CDH11: variants seen among roughly 807,000 people sequenced by gnomAD.
CDH11 encodes the protein cadherin-11.
CDH11 carries 11 observed loss-of-function variants against 67.8 expected under a neutral mutation model. The ratio of observed to expected loss-of-function variants is 0.16; its 90% CI spans 0.10 to 0.27. The LOEUF (loss-of-function observed/expected upper bound fraction) is 0.27, where lower values mean the gene tolerates loss of function less well. CDH11 is among the 10% of genes least tolerant of loss of function. CDH11 has a pLI of 1.00. For synonymous variants in CDH11, 419 were observed against 400.0 expected (o/e 1.05, Z -0.57); for missense variants, 847 against 1,031.2 (o/e 0.82, Z 2.45).
intron 8 of CDH11, chr16:64,981,097 C>CTTTTTTTTTTTTTTTTTTTTT: frequency 8.6e-6 from 1 of 116,444 alleles, no homozygotes; most frequent in Non-Finnish European, 1.7e-5. Flanking sequence ...TTCTTTCTTT[C>CTTTTTTTTTTTTTTTTTTTTT]TTTTTTTTTT....
intron 1 of CDH11, among the ~76,000 whole-genome samples, chr16:65,091,647 G>T (rs1055385818): frequency 1.3e-5 from 2 of 151,504 alleles, no homozygotes; most frequent in African/African-American, 4.9e-5. Context: ...CGCCTCCTGG[G>T]TTCACGCCAT....
chr16:65,056,814 T>C (rs1362364740), intron 1 of CDH11, among the ~76,000 whole-genome samples: 2 of 152,186 alleles, frequency 1.3e-5, no homozygotes, highest in African/African-American at 2.4e-5. Context: ...TTCTCAAATC[T>C]GTAAAAGACC....
At chr16:65,033,736 CTAAAATAAAA>C (rs59225853) in intron 2 of CDH11, among the ~76,000 whole-genome samples, 1 of 141,478 alleles carries the variant, frequency 7.1e-6, no homozygotes, top group African/African-American at 2.6e-5. Context: ...GACTCCATCT[CTAAAATAAAA>C]TAAAATAAAA....
chr16:64,982,132 T>C lies in CDH11; in HGVS notation c.1169A>G (p.His390Arg). 1.2e-6 allele frequency: 2 copies of C among 1,614,088 alleles called. No homozygotes were observed. Among genetic ancestry groups the C allele is most frequent in the Non-Finnish European group, 1.7e-6 (2 of 1,179,970 alleles). The change falls in exon 8 of 13, where the codon CAC becomes CGC. Residue 390 changes from histidine (H) to arginine (R), a missense_variant. Around this residue, in one of 2 missense-constraint regions of CDH11, gnomAD observed 612 missense variants for 678.7 expected, o/e 0.90. Transcript: ENST00000268603. ...AGCAGCTGCATTTTCTTGGACTTCG[T>C]GGATGTAACTTGGGGCCAAGAACAT... is the stretch of plus-strand genomic sequence containing the variant. ...PPMFLAPSYI[H>R]EVQENAAAGT...
At chr16:64,964,752 G>A (rs1597023819) in intron 11 of CDH11, among the ~76,000 whole-genome samples, 1 of 151,970 alleles carries the variant, frequency 6.6e-6, no homozygotes, top group Non-Finnish European at 1.5e-5. Context: ...GTTTCATCAT[G>A]TTAGCCAGGA....
At chr16:64,993,841 T>C (rs1048362993) in intron 4 of CDH11, among the ~76,000 whole-genome samples, 4 of 152,190 alleles carry the variant, frequency 2.6e-5, no homozygotes, top group African/African-American at 9.6e-5. Context: ...AGAAAACCAG[T>C]AATTATCGAA....
intron 2 of CDH11, among the ~76,000 whole-genome samples, chr16:65,023,086 A>G (rs764833910): frequency 2.1e-4 from 32 of 152,148 alleles, no homozygotes; most frequent in Non-Finnish European, 3.8e-4. Flanking sequence ...TAAAGCAAAA[A>G]AGGCCTGAGA....
intron 11 of CDH11, among the ~76,000 whole-genome samples, chr16:64,965,863 C>T (rs1023211780): frequency 6.7e-5 from 10 of 149,904 alleles, no homozygotes; most frequent in Middle Eastern, 3.5e-3. Flanking sequence ...ATATAAGGAA[C>T]AAGAGGGAGA....
chr16:65,024,460 C>T (rs1473814676), intron 2 of CDH11, among the ~76,000 whole-genome samples: 1 of 152,150 alleles, frequency 6.6e-6, no homozygotes, highest in African/African-American at 2.4e-5. Context: ...TTCCATTGTA[C>T]ATCCAAAGTA....
chr16:65,120,446 C>A (rs1335674520), intron 1 of CDH11, among the ~76,000 whole-genome samples: 2 of 152,040 alleles, frequency 1.3e-5, no homozygotes, highest in African/African-American at 4.8e-5. Context: ...AACTTACTGC[C>A]TCATATTAAA....
At chr16:65,081,704 TTTTTG>T (rs762602768) in intron 1 of CDH11, among the ~76,000 whole-genome samples, 1 of 152,170 alleles carries the variant, frequency 6.6e-6, no homozygotes, top group African/African-American at 2.4e-5. Flanking sequence ...CTGAGTTTTG[TTTTTG>T]TTTTGTTTTA....
intron 2 of CDH11, among the ~76,000 whole-genome samples, chr16:65,015,355 T>C (rs2073280305): frequency 1.3e-5 from 2 of 151,980 alleles, no homozygotes; most frequent in Non-Finnish European, 2.9e-5. Flanking sequence ...TCTAGAGACA[T>C]TGAGCTATTA....
chr16:64,946,399 A>G lies in CDH11; in HGVS notation c.*1204T>C, dbSNP rs959877107. On this transcript the variant is annotated 3_prime_UTR_variant, in exon 13 of 13. Transcript: ENST00000268603. ...GTATACCTGGAACATTAGAGTTCTGATAGCTCCATTCCCTCATGGATTCAT... is the reference window on the plus strand; with the variant it reads ...GTATACCTGGAACATTAGAGTTCTGGTAGCTCCATTCCCTCATGGATTCAT... The G allele has an allele frequency of 9.6e-7, 1 of 1,036,766 alleles. No homozygotes were observed. Among genetic ancestry groups the G allele is most frequent in the Non-Finnish European group, 1.2e-6 (1 of 860,934 alleles). 64.2% of individuals were successfully genotyped at this position (1,036,766 alleles called of 1,614,324 possible).
At chr16:65,033,570 C>T (rs988945502) in intron 2 of CDH11, among the ~76,000 whole-genome samples, 4 of 151,904 alleles carry the variant, frequency 2.6e-5, no homozygotes, top group African/African-American at 9.7e-5. Flanking sequence ...AACCCCATCT[C>T]TACTAAAAAT....
intron 8 of CDH11, among the ~76,000 whole-genome samples, chr16:64,975,136 G>C (rs565522914): frequency 6.6e-6 from 1 of 152,126 alleles, no homozygotes; most frequent in Non-Finnish European, 1.5e-5. Flanking sequence ...TAACTTTTAT[G>C]TTATCTGTGA....
intron 7 of CDH11, 117 bp from the exon 8 acceptor site, chr16:64,982,418 T>C (rs1050212413): frequency 2.5e-6 from 2 of 801,910 alleles, no homozygotes; most frequent in African/African-American, 3.5e-5. Context: ...AATCAGAGTC[T>C]ACTCAATTTC....
At position 65,011,017 on chromosome 16, in the gene CDH11, G is replaced by GTA. The variant is rs1233696887; in HGVS notation, c.-172-5978_-172-5977dup. On this transcript the variant is annotated intron_variant, in intron 2 of 12. Transcript: ENST00000268603. ...CACATATGTATATGTATATATATGTGTATATATATACACACATATGTATAT... is the reference window on the plus strand; with the variant it reads ...CACATATGTATATGTATATATATGTGTATATATATATACACACATATGTATAT... Among the ~76,000 whole-genome samples the GTA allele has an allele frequency of 3.5e-5, 5 of 144,914 alleles. No individual in the cohort carries two copies. The East Asian group carries it at 1.0e-3, about 29-fold the overall frequency.
chr16:65,074,594 A>C (rs940721296), intron 1 of CDH11, among the ~76,000 whole-genome samples: 2 of 152,180 alleles, frequency 1.3e-5, no homozygotes, highest in African/African-American at 4.8e-5. Context: ...ATTTATGACA[A>C]GTTCCTATGG....
chr16:65,046,171 C>T (rs1259952805), intron 2 of CDH11, among the ~76,000 whole-genome samples: 1 of 152,186 alleles, frequency 6.6e-6, no homozygotes, highest in Non-Finnish European at 1.5e-5. Flanking sequence ...CCTATACCAG[C>T]CTTTGAGATG....
Sources: gnomAD v4.1 joint callset for allele counts (sites outside exome capture counted in the v4.1 genomes callset) on GRCh38, gnomAD v4.1.1 for gene constraint, gnomAD v4.1.1 regional missense constraint, MANE v1.5 for transcripts, NCBI Gene and HGNC (gene_info 2026-07-23, HGNC 2026-07-21) for gene names.